The following LPIN3 variants were observed in gnomAD, a reference collection of about 807,000 sequenced individuals.
LPIN3 encodes the protein phosphatidate phosphatase LPIN3.
A neutral mutation model predicts 94.7 loss-of-function variants in LPIN3; 82 were observed. The observed-to-expected ratio is 0.87, with a 90% CI of 0.72 to 1.04. LPIN3 has a LOEUF of 1.04. LPIN3 is among the 50% of genes least tolerant of loss of function. The probability of loss-of-function intolerance (pLI) is 0.00; values close to 1 mark genes in which losing one functional copy is unlikely to be tolerated. For synonymous variants in LPIN3, 418 were observed against 443.3 expected, an observed-to-expected ratio of 0.94 and a Z score of 0.72; for missense variants, 996 against 1,090.5, an observed-to-expected ratio of 0.91 and a Z score of 1.22.
chr20:41,355,809 G>A, intron 13 of LPIN3, 87 bp from the exon 14 acceptor site: 1 of 1,540,710 alleles, frequency 6.5e-7, no homozygotes, highest in Non-Finnish European at 8.9e-7. Flanking sequence ...GGCATGGCGG[G>A]GACAGGTCCA....
intron 8 of LPIN3, 62 bp downstream of exon 8, chr20:41,351,982 A>G (rs1333682344): frequency 1.9e-6 from 3 of 1,613,154 alleles, no homozygotes; most frequent in Non-Finnish European, 2.5e-6. Flanking sequence ...AGGGTCCACT[A>G]TCAAGGGCCT....
intron 14 of LPIN3, among the ~76,000 whole-genome samples, chr20:41,356,535 G>A (rs1211584781): frequency 6.6e-6 from 1 of 152,210 alleles, no homozygotes; most frequent in African/African-American, 2.4e-5. Flanking sequence ...GTACCCTGGA[G>A]CTCACACTCA....
Position 41,350,153 on chromosome 20 carries a change from T to A in LPIN3, c.858T>A (p.Ser286=), listed in dbSNP as rs781044082. The A allele has an allele frequency of 1.9e-6, 3 of 1,613,060 alleles. No individual in the cohort carries two copies. The Admixed American group carries it at 5.0e-5, about 27-fold the overall frequency. The stretch of plus-strand genomic sequence containing the variant: ...GAGGACCCAGCACTCCCTCTACCTC[T>A]GTGGCTGGCGGCGTGGACCCTTTGG... The part of the protein sequence containing the change: ...PRGGPSTPST[S]VAGGVDPLGL... Residue 286 remains serine (S), a synonymous_variant, in exon 7 of 20, where the codon TCT becomes TCA. Coordinates refer to ENST00000373257, the MANE Select transcript of LPIN3 (RefSeq NM_022896.3).
At position 41,355,788 on chromosome 20, in the gene LPIN3, G is replaced by A. The variant is rs2046186096; in HGVS notation, c.1665-108G>A. 16 of 1,429,482 alleles carry A rather than the reference G, an allele frequency of 1.1e-5. No individual in the cohort carries two copies. The South Asian group carries it at 1.7e-4, about 15-fold the overall frequency. The allele number at this position is 1,429,482 out of a possible 1,614,324, so 88.5% of individuals were successfully genotyped here. On this transcript the variant is annotated intron_variant, in intron 13 of 19. Transcript: ENST00000373257. ...TAGAGGGAGGGATCACTGATACCCT[G>A]GGTAGGCCCTGGCATGGCGGGGACA...
At chr20:41,344,130 C>T (rs1404855381) in intron 1 of LPIN3, among the ~76,000 whole-genome samples, 1 of 152,022 alleles carries the variant, frequency 6.6e-6, no homozygotes, top group Non-Finnish European at 1.5e-5. Flanking sequence ...TGAGTTGGGC[C>T]TAAGTTTCTG....
Position 41,352,162 on chromosome 20 carries a change from G to A in LPIN3, c.1305G>A (p.Val435=), listed in dbSNP as rs2046042261. The A allele has an allele frequency of 6.2e-7, 1 of 1,614,240 alleles. No individual in the cohort carries two copies. Among genetic ancestry groups the A allele is most frequent in the East Asian group, 2.2e-5 (1 of 44,886 alleles). ...EHEPEPTLDT[V]DTIALSLCGG... is the part of the protein sequence containing the mutation. ...AACCTGAACCCACTCTGGACACAGT[G>A]GATACAATAGCACTGTCCCTCTGTG... is the stretch of plus-strand genomic sequence containing the variant. The change falls in exon 9 of 20, where the codon GTG becomes GTA. Residue 435 remains valine (V), a synonymous_variant. Coordinates refer to ENST00000373257, the MANE Select transcript of LPIN3 (RefSeq NM_022896.3).
rs1489392536 is a variant in LPIN3 at position 41,352,671 on chromosome 20, C to T, written c.1429C>T (p.Pro477Ser). The T allele has an allele frequency of 1.5e-5, 25 of 1,614,068 alleles. No homozygotes were observed. Among genetic ancestry groups the T allele is most frequent in the Non-Finnish European group, 2.1e-5 (25 of 1,180,020 alleles). ...LTKNPGLLDD[P>S]NLVVKINGKH... ...CAAAAACCCCGGACTTTTGGATGAC[C>T]CAAACCTAGTGGTGAAAATCAATGG... is the stretch of plus-strand genomic sequence containing the variant. The change falls in exon 10 of 20, where the codon CCA becomes TCA. Residue 477 changes from proline to serine, a missense_variant. By Grantham distance (74) the Pro-to-Ser change is moderately conservative. Transcript: ENST00000373257.
At position 41,352,221 on chromosome 20, in the gene LPIN3, G is replaced by A. The variant is rs144804437; in HGVS notation, c.1363+1G>A. 2.5e-6 allele frequency: 4 copies of A among 1,614,120 alleles called. No homozygotes were observed. Among genetic ancestry groups the A allele is most frequent in the Non-Finnish European group, 3.4e-6 (4 of 1,180,018 alleles). ...GCTGACAGCCGGGACATCTCCCTAGGTATGTTCGACCATGGCCAAGCCCTT... is the reference window on the plus strand; with the variant it reads ...GCTGACAGCCGGGACATCTCCCTAGATATGTTCGACCATGGCCAAGCCCTT... On this transcript the variant is annotated splice_donor_variant, in intron 9 of 19. Transcript: ENST00000373257. LOFTEE classifies it high-confidence loss of function.
rs1318230486 is a variant in LPIN3 at position 41,341,175 on chromosome 20, C to G, written c.-9+173C>G. On this transcript the variant is annotated intron_variant, in intron 1 of 19. Coordinates refer to ENST00000373257, the MANE Select transcript of LPIN3 (RefSeq NM_022896.3). ...CCTCATTTTGTCCCTTTTTCCCTGG[C>G]CCAGCGGCTGCAGGCCCCCTGGACA... 3.9e-5 allele frequency among the ~76,000 whole-genome samples: 6 copies of G among 152,126 alleles called. No individual in the cohort carries two copies. The East Asian group carries it at 1.2e-3, about 29-fold the overall frequency.
In LPIN3 at chr20:41,357,887, G is replaced by C; in HGVS notation, c.2045G>C (p.Gly682Ala). ...ACCCTGTCCCCCACTCTCAGAAATG[G>C]GTACAAGTTCCTGTACTGCTCGGCG... ...TSLYHKIQLN[G>A]YKFLYCSARA... Residue 682 changes from glycine (G) to alanine (A), a missense_variant, in exon 17 of 20, where the codon GGG becomes GCG. Physicochemically the swap from Gly to Ala is moderately conservative, Grantham distance 60 (BLOSUM62 0). Coordinates refer to ENST00000373257, the MANE Select transcript of LPIN3 (RefSeq NM_022896.3). 6.2e-7 allele frequency: 1 copy of C among 1,614,052 alleles called. No homozygotes were observed. The highest frequency in any genetic ancestry group is 2.2e-5 in the East Asian group (1 of 44,886).
At chr20:41,345,237 A>G (rs1012759586) in intron 1 of LPIN3, among the ~76,000 whole-genome samples, 3 of 152,166 alleles carry the variant, frequency 2.0e-5, no homozygotes, top group Non-Finnish European at 2.9e-5. Flanking sequence ...CTATCTAATG[A>G]GGCTGCCCCC....
chr20:41,349,019 G>A, intron 4 of LPIN3, 73 bp from the exon 5 acceptor site: 8 of 1,594,276 alleles, frequency 5.0e-6, no homozygotes, highest in Non-Finnish European at 4.3e-6. Flanking sequence ...CCAAGCCCCT[G>A]ATGTCCAGGC....
intron 9 of LPIN3, 120 bp downstream of exon 9, chr20:41,352,340 C>G (rs2046051339): frequency 1.6e-6 from 2 of 1,215,388 alleles, no homozygotes; most frequent in South Asian, 2.8e-5. Context: ...CCCTGCAGCT[C>G]TCTGCCCTGT....
Position 41,359,649 on chromosome 20 carries a change from C to A in LPIN3, c.*783C>A, listed in dbSNP as rs923533261. 2 of 152,390 alleles carry A rather than the reference C, an allele frequency of 1.3e-5. No individual in the cohort carries two copies. Among genetic ancestry groups the A allele is most frequent in the African/African-American group, 2.4e-5 (1 of 41,452 alleles). 9.4% of individuals were successfully genotyped at this position (152,390 alleles called of 1,614,324 possible). On this transcript the variant is annotated 3_prime_UTR_variant, in exon 20 of 20. Transcript: ENST00000373257. ...GAGCCAGGACTGTACCCTCCGAAGC[C>A]AGACATCACTGCCAACATATCCCCC... is the stretch of plus-strand genomic sequence containing the variant.
chr20:41,357,504 G>T, intron 16 of LPIN3, 57 bp downstream of exon 16: 1 of 1,465,824 alleles, frequency 6.8e-7, no homozygotes. Context: ...TAGAGAGGGA[G>T]TGACAGGACA....
rs1234377313 is a variant in LPIN3 at position 41,354,974 on chromosome 20, T to C, written c.1664+111T>C. 3.7e-6 allele frequency: 4 copies of C among 1,067,098 alleles called. No homozygotes were observed. In the Admixed American group the frequency reaches 8.7e-5, roughly 23 times the overall value. The allele number at this position is 1,067,098 out of a possible 1,614,324, so 66.1% of individuals were successfully genotyped here. A position where few individuals can be genotyped will look rare whatever the true frequency, so the allele number is the denominator to read the frequency against. ...CACCCTGTCTCCAGCTGTGGGTTTT[T>C]TTTTTTGTCATTCCTCAAGCACCAA... On this transcript the variant is annotated intron_variant, in intron 13 of 19. Coordinates refer to ENST00000373257, the MANE Select transcript of LPIN3 (RefSeq NM_022896.3).
intron 2 of LPIN3, among the ~76,000 whole-genome samples, chr20:41,346,703 T>C (rs551047506): frequency 1.2e-4 from 18 of 152,254 alleles, no homozygotes; most frequent in African/African-American, 4.1e-4. Context: ...ATTGTGCCAT[T>C]GCACTCTAGC....
intron 14 of LPIN3, among the ~76,000 whole-genome samples, chr20:41,356,445 C>T (rs2084107341): frequency 6.6e-6 from 1 of 152,174 alleles, no homozygotes; most frequent in Non-Finnish European, 1.5e-5. Flanking sequence ...AACATATTTT[C>T]TTCATGGTTG....
intron 1 of LPIN3, among the ~76,000 whole-genome samples, chr20:41,343,512 C>A (rs1164383257): frequency 6.6e-6 from 1 of 152,224 alleles, no homozygotes; most frequent in East Asian, 1.9e-4. Context: ...CAGGGAGTTT[C>A]ATTTCATCCC....
Sources: allele counts gnomAD v4.1 joint callset (sites outside exome capture counted in the v4.1 genomes callset), GRCh38; gene constraint gnomAD v4.1.1; transcripts MANE v1.5; gene names NCBI Gene and HGNC (gene_info 2026-07-23, HGNC 2026-07-21).